The following PATE3 variants were observed in gnomAD, a reference collection of about 807,000 sequenced individuals.
PATE3 encodes the protein prostate and testis expressed protein 3.
A neutral mutation model predicts 7.4 loss-of-function variants in PATE3; 7 were observed. The ratio of observed to expected loss-of-function variants is 0.95; its 90% CI spans 0.54 to 1.78. PATE3 has a LOEUF of 1.78. PATE3 is among the 40% of genes most tolerant of loss of function. The probability of loss-of-function intolerance (pLI) is 0.00; values close to 1 mark genes in which losing one functional copy is unlikely to be tolerated. For missense variants in PATE3, 117 were observed against 122.5 expected (o/e 0.96, Z 0.21); for synonymous variants, 38 against 40.2 (o/e 0.94, Z 0.21).
chr11:125,788,875 A>T (rs1943587416), intron 1 of PATE3, among the ~76,000 whole-genome samples: 3 of 152,184 alleles, frequency 2.0e-5, no homozygotes, highest in Non-Finnish European at 4.4e-5. Flanking sequence ...TTTTTAAATT[A>T]AACCTGTATT....
rs1208008481 is a variant in PATE3, at chr11:125,788,227, T to A, written c.49+27T>A. 1.9e-6 allele frequency: 3 copies of A among 1,542,312 alleles called. No homozygotes were observed. The South Asian group carries it at 3.6e-5, about 18-fold the overall frequency. On this transcript the variant is annotated intron_variant, in intron 1 of 2. Transcript: ENST00000445202. ...TGAGTCCTGGACCTGAGGGGTATAC[T>A]TGAGAGACAGGATCTAGGGAGCTCC...
rs539689967 is a variant in PATE3 at position 125,789,356 on chromosome 11, A to T, written c.50-30A>T. On this transcript the variant is annotated intron_variant, in intron 1 of 2. Transcript: ENST00000445202. ...CCATCCCAAGTCCCTGCTTTTGCCT[A>T]GTCTCACACCATCTCTATGCTCTCT... The T allele has an allele frequency of 4.6e-6, 7 of 1,536,322 alleles. No homozygotes were observed. In the African/African-American group the frequency reaches 6.9e-5, roughly 15 times the overall value.
chr11:125,790,472 T>C lies in PATE3; in HGVS notation c.173-6T>C. 1 of 1,548,600 alleles carries C rather than the reference T, an allele frequency of 6.5e-7. No homozygotes were observed. Among genetic ancestry groups the C allele is most frequent in the Non-Finnish European group, 8.7e-7 (1 of 1,146,024 alleles). On this transcript the variant is annotated splice_polypyrimidine_tract_variant and splice_region_variant and intron_variant, in intron 2 of 2. Transcript: ENST00000445202. ...GCTTATTTTCTGTGGTTCTTTCCTA[T>C]TTTAGGCAATACTCTCCAGATATCA... is the stretch of plus-strand genomic sequence containing the variant.
rs1565423763 is a variant in PATE3, at chr11:125,788,320, A to T, written c.49+120A>T. On this transcript the variant is annotated intron_variant, in intron 1 of 2. Coordinates refer to ENST00000445202, the MANE Select transcript of PATE3 (RefSeq NM_001129883.4). Reference sequence around the variant, plus strand: ...TTTGGCCACTTTTATGAGCCAGGGGAAGCCAGCCTCCAGAATGCTCCTCTG... The same window carrying T: ...TTTGGCCACTTTTATGAGCCAGGGGTAGCCAGCCTCCAGAATGCTCCTCTG... 8 of 858,024 alleles carry T rather than the reference A, an allele frequency of 9.3e-6. No homozygotes were observed. The East Asian group carries it at 2.3e-4, about 25-fold the overall frequency. 53.2% of individuals were successfully genotyped at this position (858,024 alleles called of 1,614,324 possible).
At chr11:125,789,044 T>A (rs893894196) in intron 1 of PATE3, among the ~76,000 whole-genome samples, 1 of 152,174 alleles carries the variant, frequency 6.6e-6, no homozygotes, top group East Asian at 1.9e-4. Context: ...GCCCTCACCC[T>A]CCTTATCACA....
Position 125,790,705 on chromosome 11 carries a change from C to G in PATE3, c.*103C>G. Reference sequence around the variant, plus strand: ...CCCTTCCGTGTCTGTCCTGACAATACCCCTGCCCTCGCATTAACCTAAGAA... The same window carrying G: ...CCCTTCCGTGTCTGTCCTGACAATAGCCCTGCCCTCGCATTAACCTAAGAA... On this transcript the variant is annotated 3_prime_UTR_variant, in exon 3 of 3. Transcript: ENST00000445202. 1.7e-6 allele frequency: 2 copies of G among 1,209,452 alleles called. No homozygotes were observed. The highest frequency in any genetic ancestry group is 2.6e-5 in the East Asian group (1 of 38,452). The allele number at this position is 1,209,452 out of a possible 1,614,324, so 74.9% of individuals were successfully genotyped here.
chr11:125,791,261 A>T lies in PATE3; in HGVS notation c.*659A>T, dbSNP rs12278811. ...ACATTCAAGGTACATCAGAACTCTC[A>T]TTTCTTCCCCTTCCTTTCCTAAACC... is the stretch of plus-strand genomic sequence containing the variant. On this transcript the variant is annotated 3_prime_UTR_variant, in exon 3 of 3. Transcript: ENST00000445202. 6.6e-6 allele frequency: 1 copy of T among 151,814 alleles called. No homozygotes were observed. The highest frequency in any genetic ancestry group is 6.6e-5 in the Admixed American group (1 of 15,242). The allele number at this position is 151,814 out of a possible 1,614,324, so 9.4% of individuals were successfully genotyped here.
chr11:125,790,614 T>G lies in PATE3; in HGVS notation c.*12T>G. 5.2e-6 allele frequency: 8 copies of G among 1,549,370 alleles called. No homozygotes were observed. Among genetic ancestry groups the G allele is most frequent in the Non-Finnish European group, 7.0e-6 (8 of 1,145,794 alleles). On this transcript the variant is annotated 3_prime_UTR_variant, in exon 3 of 3. Coordinates refer to ENST00000445202, the MANE Select transcript of PATE3 (RefSeq NM_001129883.4). ...ACTTTAAACTCTAAGATATTTGCCC[T>G]CCTGAGGTCTCGCTTTGGAATGTCC...
Position 125,789,487 on chromosome 11 carries a change from A to C in PATE3, c.151A>C (p.Met51Leu). 6.4e-7 allele frequency: 1 copy of C among 1,551,618 alleles called. No individual in the cohort carries two copies. The highest frequency in any genetic ancestry group is 8.7e-7 in the Non-Finnish European group (1 of 1,146,926). ...TACTGCTCAGAAGGGCGAGGCATGC[A>C]TGCTCTTAAGGATTTACCAGCGTAA... is the stretch of plus-strand genomic sequence containing the variant. ...VCTAQKGEAC[M>L]LLRIYQRNTL... The change falls in exon 2 of 3, where the codon ATG (methionine) becomes CTG (leucine). Residue 51 changes from methionine to leucine, a missense_variant. By Grantham distance (15) the Met-to-Leu change is conservative. Transcript: ENST00000445202.
chr11:125,789,650 C>G (rs1565424244), intron 2 of PATE3, 142 bp downstream of exon 2: 10 of 889,818 alleles, frequency 1.1e-5, no homozygotes, highest in Admixed American at 3.3e-5. Flanking sequence ...TGCATACAGA[C>G]AGAAGATAAT....
In PATE3 at chr11:125,789,606, T is replaced by G. The variant is rs1199467643; in HGVS notation, c.172+98T>G. The G allele has an allele frequency of 2.9e-6, 4 of 1,388,850 alleles. No individual in the cohort carries two copies. In the East Asian group the frequency reaches 1.0e-4, roughly 35 times the overall value. The allele number at this position is 1,388,850 out of a possible 1,614,324, so 86.0% of individuals were successfully genotyped here. A position where few individuals can be genotyped will look rare whatever the true frequency, so the allele number is the denominator to read the frequency against. On this transcript the variant is annotated intron_variant, in intron 2 of 2. Coordinates refer to ENST00000445202, the MANE Select transcript of PATE3 (RefSeq NM_001129883.4). ...TCTCAAGAGAAGAACCAATGCAGAA[T>G]GCCCCTGAGCACAGGTGGTAGCACA...
At position 125,791,141 on chromosome 11, in the gene PATE3, T is replaced by TA. The variant is rs1416335614; in HGVS notation, c.*540dup. ...TCTTGGCATTTACAAACTACATCCT[T>TA]ACACTGTTATTAGGAGATAGCAAAC... On this transcript the variant is annotated 3_prime_UTR_variant, in exon 3 of 3. Coordinates refer to ENST00000445202, the MANE Select transcript of PATE3 (RefSeq NM_001129883.4). 1 of 152,408 alleles carries TA rather than the reference T, an allele frequency of 6.6e-6. No individual in the cohort carries two copies. Among genetic ancestry groups the TA allele is most frequent in the Admixed American group, 6.5e-5 (1 of 15,294 alleles). 9.4% of individuals were successfully genotyped at this position (152,408 alleles called of 1,614,324 possible).
intron 1 of PATE3, 94 bp from the exon 2 acceptor site, chr11:125,789,292 C>G: frequency 7.6e-7 from 1 of 1,315,964 alleles, no homozygotes; most frequent in Non-Finnish European, 1.0e-6. Flanking sequence ...CTGCCCCCTC[C>G]ACTATTCATT....
intron 1 of PATE3, among the ~76,000 whole-genome samples, chr11:125,788,928 T>C (rs1228123158): frequency 6.6e-6 from 1 of 152,230 alleles, no homozygotes; most frequent in Non-Finnish European, 1.5e-5. Context: ...GTGTCACTTA[T>C]GGTACTATTA....
intron 1 of PATE3, among the ~76,000 whole-genome samples, chr11:125,788,939 TTGA>T (rs753269935): frequency 6.6e-6 from 1 of 152,216 alleles, no homozygotes; most frequent in Non-Finnish European, 1.5e-5. Flanking sequence ...GGTACTATTA[TTGA>T]TGATGCCTTT....
At chr11:125,790,164 A>G (rs1011081865) in intron 2 of PATE3, among the ~76,000 whole-genome samples, 14 of 152,202 alleles carry the variant, frequency 9.2e-5, no homozygotes, top group African/African-American at 3.4e-4. Flanking sequence ...GAGGATGAAG[A>G]CAGTCTGGTT....
chr11:125,789,504 C>A lies in PATE3; in HGVS notation c.168C>A (p.Tyr56Ter), dbSNP rs1180862332. ...KGEACMLLRIYQRNTLQISYM... is the reference protein window; with the variant it reads ...KGEACMLLRI ...AGGCATGCATGCTCTTAAGGATTTA[C>A]CAGCGTAAGTTAGAGGGTCAGGGAA... The change falls in exon 2 of 3, where the codon TAC becomes TAA. Residue 56 changes from tyrosine to a stop codon, truncating the protein, a stop_gained. Transcript: ENST00000445202. LOFTEE classifies it low-confidence loss of function (END_TRUNC). 6.4e-7 allele frequency: 1 copy of A among 1,550,714 alleles called. No homozygotes were observed. Among genetic ancestry groups the A allele is most frequent in the Non-Finnish European group, 8.7e-7 (1 of 1,146,268 alleles).
rs977900485 is a variant in PATE3 at position 125,788,143 on chromosome 11, C to T, written c.-9C>T. The T allele has an allele frequency of 6.9e-5, 107 of 1,551,042 alleles. No individual in the cohort carries two copies. The highest frequency in any genetic ancestry group is 3.3e-4 in the Middle Eastern group (2 of 6,012). On this transcript the variant is annotated 5_prime_UTR_variant, in exon 1 of 3. Coordinates refer to ENST00000445202, the MANE Select transcript of PATE3 (RefSeq NM_001129883.4). ...TTCTTTTTCCTGCACAAGGGATTTC[C>T]GGGTCAGGATGAACAAACACTTCTT...
At chr11:125,789,726 A>AT (rs936688488) in intron 2 of PATE3, among the ~76,000 whole-genome samples, 5 of 151,676 alleles carry the variant, frequency 3.3e-5, no homozygotes, top group South Asian at 4.2e-4. Flanking sequence ...GACCAAACAG[A>AT]TTTTTTTTTG....
Sources: allele counts gnomAD v4.1 joint callset (sites outside exome capture counted in the v4.1 genomes callset), GRCh38; gene constraint gnomAD v4.1.1; transcripts MANE v1.5; gene names NCBI Gene and HGNC (gene_info 2026-07-23, HGNC 2026-07-21).